The following SLCO5A1 variants were observed in gnomAD, a reference collection of about 807,000 sequenced individuals.
SLCO5A1 encodes the protein solute carrier organic anion transporter family member 5A1, also known as organic anion transporter polypeptide-related protein 4.
In SLCO5A1, 39 loss-of-function variants were observed where a neutral mutation model predicts 65.1. That is an observed-to-expected ratio of 0.60 (90% confidence interval 0.46 to 0.78). The LOEUF (loss-of-function observed/expected upper bound fraction) is 0.78, where lower values mean the gene tolerates loss of function less well. SLCO5A1 is among the 30% of genes least tolerant of loss of function. The pLI, the probability that SLCO5A1 is intolerant of heterozygous loss-of-function variation, is 0.00. For synonymous variants in SLCO5A1, 438 were observed against 415.7 expected, an observed-to-expected ratio of 1.05 and a Z score of -0.65; for missense variants, 1,029 against 1,069.4, an observed-to-expected ratio of 0.96 and a Z score of 0.53.
intron 5 of SLCO5A1, among the ~76,000 whole-genome samples, chr8:69,718,202 A>G (rs1815646647): frequency 6.6e-6 from 1 of 152,212 alleles, no homozygotes; most frequent in South Asian, 2.1e-4. Context: ...TTGCTAGTGT[A>G]TAGAAATACA....
In SLCO5A1 at chr8:69,832,561, A is replaced by G; in HGVS notation, c.113T>C (p.Leu38Ser). 6.2e-7 allele frequency: 1 copy of G among 1,611,988 alleles called. No homozygotes were observed. Among genetic ancestry groups the G allele is most frequent in the Non-Finnish European group, 8.5e-7 (1 of 1,179,064 alleles). ...CEPETLRSKS[L>S]PVLSSASCRP... ...GCAGGAGGCGCTGCTGAGGACCGGT[A>G]AACTCTTAGACCTGAGGGTCTCCGG... Residue 38 changes from leucine to serine, a missense_variant, in exon 2 of 10, where the codon TTA becomes TCA. Physicochemically the swap from Leu to Ser is moderately radical, Grantham distance 145. This residue lies in a region of SLCO5A1 where 647 missense variants were observed against 647.5 expected (regional missense o/e 1.00). Transcript: ENST00000260126. The surrounding 1 kb of genome is among the most constrained non-coding windows in gnomAD (Gnocchi z 4.5).
chr8:69,832,441 G>A lies in SLCO5A1; in HGVS notation c.233C>T (p.Pro78Leu). 1 of 1,613,078 alleles carries A rather than the reference G, an allele frequency of 6.2e-7. No homozygotes were observed. Among genetic ancestry groups the A allele is most frequent in the South Asian group, 1.1e-5 (1 of 90,916 alleles). ...GHQELKQGPN[P>L]LAPSPSAPST... is the part of the protein sequence containing the mutation. ...CGGGGCAGAGGGACTGGGGGCCAAC[G>A]GGTTCGGGCCTTGCTTCAACTCCTG... The change falls in exon 2 of 10, where the codon CCG becomes CTG. Residue 78 changes from proline to leucine, a missense_variant. This residue lies in a region of SLCO5A1 where 647 missense variants were observed against 647.5 expected (regional missense o/e 1.00). Coordinates refer to ENST00000260126, the MANE Select transcript of SLCO5A1 (RefSeq NM_030958.3). The surrounding 1 kb of genome is among the most constrained non-coding windows in gnomAD (Gnocchi z 4.5).
chr8:69,753,154 A>G (rs1194233569), intron 4 of SLCO5A1, among the ~76,000 whole-genome samples: 19 of 152,156 alleles, frequency 1.2e-4, no homozygotes, highest in Admixed American at 1.2e-3. Context: ...GCATCTAAGT[A>G]ATTTATTGGG....
At chr8:69,683,234 A>G (rs1447190523) in intron 6 of SLCO5A1, among the ~76,000 whole-genome samples, 1 of 152,120 alleles carries the variant, frequency 6.6e-6, no homozygotes, top group East Asian at 1.9e-4. Context: ...GTACCCCATG[A>G]CCGCTTTTGC....
intron 5 of SLCO5A1, among the ~76,000 whole-genome samples, chr8:69,716,009 G>A (rs931294745): frequency 3.9e-5 from 6 of 151,996 alleles, no homozygotes; most frequent in Non-Finnish European, 7.4e-5. Flanking sequence ...TCCAGCCCGA[G>A]ACAATCACCA....
At position 69,697,377 on chromosome 8, in the gene SLCO5A1, G is replaced by A. The variant is rs1304322242; in HGVS notation, c.1622+7654C>T. Among the ~76,000 whole-genome samples, 5 of 152,136 alleles carry A rather than the reference G, an allele frequency of 3.3e-5. No individual in the cohort carries two copies. In the East Asian group the frequency reaches 5.8e-4, roughly 18 times the overall value. ...TGCACTCCTGCCTGGGCGACAGAGC[G>A]AGATTCTGTTTCCAAAAAAAAATTA... On this transcript the variant is annotated intron_variant, in intron 6 of 9. Coordinates refer to ENST00000260126, the MANE Select transcript of SLCO5A1 (RefSeq NM_030958.3).
At chr8:69,784,907 A>AAAG (rs1563723043) in intron 2 of SLCO5A1, among the ~76,000 whole-genome samples, 931 of 88,826 alleles carry the variant, frequency 0.01, 1 homozygote, top group Middle Eastern at 0.022. Context: ...AGAAAGAAAG[A>AAAG]AAGAAAGAAA....
intron 4 of SLCO5A1, among the ~76,000 whole-genome samples, chr8:69,746,422 TA>T (rs962177881): frequency 5.9e-5 from 9 of 152,074 alleles, no homozygotes; most frequent in Non-Finnish European, 1.2e-4. Flanking sequence ...TTAAAGGGAC[TA>T]AAGTCAAACA....
At chr8:69,811,069 A>G (rs1055693093) in intron 2 of SLCO5A1, among the ~76,000 whole-genome samples, 4 of 152,142 alleles carry the variant, frequency 2.6e-5, no homozygotes, top group Non-Finnish European at 5.9e-5. Context: ...AAAGTGCATG[A>G]GCCAACGTCT....
At chr8:69,718,989 A>G (rs1815695268) in intron 5 of SLCO5A1, among the ~76,000 whole-genome samples, 2 of 152,208 alleles carry the variant, frequency 1.3e-5, no homozygotes, top group Non-Finnish European at 2.9e-5. Flanking sequence ...AAAAACCTGA[A>G]GGAGCAACGT....
intron 2 of SLCO5A1, among the ~76,000 whole-genome samples, chr8:69,803,735 T>C (rs1005250883): frequency 3.3e-5 from 5 of 152,112 alleles, no homozygotes; most frequent in Admixed American, 2.6e-4. Context: ...ACACATGTAA[T>C]CCCAACACTT....
At chr8:69,806,801 A>G (rs1030630528) in intron 2 of SLCO5A1, among the ~76,000 whole-genome samples, 6 of 152,250 alleles carry the variant, frequency 3.9e-5, no homozygotes, top group African/African-American at 1.2e-4. Flanking sequence ...GAAGCATAAG[A>G]CCTCGGGAGC....
chr8:69,729,639 T>G (rs1413524818), intron 5 of SLCO5A1, among the ~76,000 whole-genome samples: 1 of 152,074 alleles, frequency 6.6e-6, no homozygotes, highest in Non-Finnish European at 1.5e-5. Context: ...TTGGGGGAAC[T>G]GGCCAAACAA....
intron 2 of SLCO5A1, among the ~76,000 whole-genome samples, chr8:69,766,929 C>G (rs999206676): frequency 1.3e-5 from 2 of 152,220 alleles, no homozygotes; most frequent in Non-Finnish European, 2.9e-5. Flanking sequence ...GAACGCTCTA[C>G]TGTCATGAAC....
chr8:69,815,884 A>C (rs1330636109), intron 2 of SLCO5A1, among the ~76,000 whole-genome samples: 1 of 152,200 alleles, frequency 6.6e-6, no homozygotes. Context: ...TAAACTATTA[A>C]CAGCACAGTA....
At chr8:69,827,816 A>C (rs1417891849) in intron 2 of SLCO5A1, among the ~76,000 whole-genome samples, 1 of 152,254 alleles carries the variant, frequency 6.6e-6, no homozygotes, top group African/African-American at 2.4e-5. Context: ...TAATTTGTAC[A>C]GAGGTAGTCT....
At chr8:69,780,452 C>A (rs1019612955) in intron 2 of SLCO5A1, among the ~76,000 whole-genome samples, 3 of 152,162 alleles carry the variant, frequency 2.0e-5, no homozygotes, top group African/African-American at 7.2e-5. Flanking sequence ...TACATATACA[C>A]AATGGAAAAC....
intron 6 of SLCO5A1, chr8:69,700,616 G>T (rs112368826): frequency 9.8e-4 from 149 of 152,032 alleles, no homozygotes; most frequent in African/African-American, 3.5e-3. Context: ...GTAAAATTCT[G>T]AAATACTAGT....
chr8:69,772,829 T>G (rs1818391099), intron 2 of SLCO5A1: 8 of 623,830 alleles, frequency 1.3e-5, no homozygotes, highest in Non-Finnish European at 1.6e-5. Flanking sequence ...CCATGCACTC[T>G]GTGATGCAAG....
Sources: allele counts gnomAD v4.1 joint callset (sites outside exome capture counted in the v4.1 genomes callset), GRCh38; gene constraint gnomAD v4.1.1; regional missense constraint gnomAD v4.1.1; non-coding constraint Gnocchi (gnomAD v3.1); transcripts MANE v1.5; gene names NCBI Gene and HGNC (gene_info 2026-07-23, HGNC 2026-07-21).